SERPINA9: variants seen among roughly 807,000 people sequenced by gnomAD.
SERPINA9 encodes serpin A9.
A neutral mutation model predicts 24.5 loss-of-function variants in SERPINA9; 32 were observed. The observed-to-expected ratio is 1.30, with a 90% CI of 0.98 to 1.75. SERPINA9 has a LOEUF of 1.75. Ranked by LOEUF, SERPINA9 falls within the 40% of genes most tolerant of loss-of-function variation. The probability of loss-of-function intolerance (pLI) is 0.00; values close to 1 mark genes in which losing one functional copy is unlikely to be tolerated. For missense variants in SERPINA9, 594 were observed against 497.1 expected (o/e 1.19, Z -1.85); for synonymous variants, 233 against 197.7 (o/e 1.18, Z -1.50).
intron 2 of SERPINA9, 67 bp from the exon 3 acceptor site, chr14:94,467,449 G>T (rs1223302626): frequency 6.4e-6 from 9 of 1,408,400 alleles, no homozygotes; most frequent in Non-Finnish European, 8.7e-6. Context: ...ACAGCAAACT[G>T]AAATGGGGAA....
At chr14:94,475,216 GA>G (rs1899529461) in intron 1 of SERPINA9, among the ~76,000 whole-genome samples, 1 of 152,194 alleles carries the variant, frequency 6.6e-6, no homozygotes, top group Non-Finnish European at 1.5e-5. Context: ...GCTGCTGGAA[GA>G]GGGGTTCTGC....
At chr14:94,467,726 G>A (rs903537208) in intron 2 of SERPINA9, among the ~76,000 whole-genome samples, 2 of 152,242 alleles carry the variant, frequency 1.3e-5, no homozygotes, top group Non-Finnish European at 2.9e-5. Flanking sequence ...TGGGTGGATA[G>A]CCTGGCAGAT....
In SERPINA9 at chr14:94,467,325, A is replaced by T; in HGVS notation, c.686T>A (p.Val229Glu). Reference protein sequence around the residue: ...EYTRKNFPFLVGEQVTVHVPM... With the variant: ...EYTRKNFPFLEGEQVTVHVPM... ...GACATGCACAGTGACCTGCTCGCCC[A>T]CCAGGAATGGGAAGTTCTTTCTTGT... The change falls in exon 3 of 5, where the codon GTG becomes GAG. Residue 229 changes from valine (V) to glutamate (E), a missense_variant. Val to Glu is a moderately radical substitution (Grantham distance 121). Coordinates refer to ENST00000674397, the MANE Select transcript of SERPINA9 (RefSeq NM_175739.4). The T allele has an allele frequency of 6.2e-7, 1 of 1,614,020 alleles. No individual in the cohort carries two copies. The highest frequency in any genetic ancestry group is 1.1e-5 in the South Asian group (1 of 91,066).
chr14:94,468,984 C>T (rs1251462649), intron 2 of SERPINA9, among the ~76,000 whole-genome samples: 1 of 152,150 alleles, frequency 6.6e-6, no homozygotes, highest in African/African-American at 2.4e-5. Context: ...CACCTCAAGA[C>T]ACTTAATCTG....
At chr14:94,472,503 T>C (rs1899370396) in intron 1 of SERPINA9, among the ~76,000 whole-genome samples, 1 of 152,218 alleles carries the variant, frequency 6.6e-6, no homozygotes, top group African/African-American at 2.4e-5. Flanking sequence ...CACGCGTGCC[T>C]TTAGATAATC....
intron 4 of SERPINA9, among the ~76,000 whole-genome samples, chr14:94,464,119 G>A (rs927037672): frequency 2.0e-5 from 3 of 152,172 alleles, no homozygotes; most frequent in African/African-American, 7.2e-5. Context: ...ATACTGTCTG[G>A]TTAAAAGGGG....
intron 1 of SERPINA9, 21 bp downstream of exon 1, chr14:94,476,115 C>T: frequency 6.2e-7 from 1 of 1,614,148 alleles, no homozygotes; most frequent in Non-Finnish European, 8.5e-7. Flanking sequence ...CCCGATCTCT[C>T]TGCACCTCCT....
rs1898830600 is a variant in SERPINA9 at position 94,463,274 on chromosome 14, T to A, written c.1073A>T (p.Asp358Val). Residue 358 changes from aspartate to valine, a missense_variant, in exon 5 of 5, where the codon GAT (aspartate) becomes GTT (valine). Coordinates refer to ENST00000674397, the MANE Select transcript of SERPINA9 (RefSeq NM_175739.4). ...GGCCTCAGTGCCCTCTTCACTGACA[T>A]CCAGCACAGCCTTGTGGGTTGCCTG... ...VSKATHKAVL[D>V]VSEEGTEATA... The A allele has an allele frequency of 6.2e-7, 1 of 1,614,138 alleles. No individual in the cohort carries two copies. The highest frequency in any genetic ancestry group is 8.5e-7 in the Non-Finnish European group (1 of 1,180,022).
chr14:94,467,450 A>T, intron 2 of SERPINA9, 68 bp from the exon 3 acceptor site: 2 of 1,412,040 alleles, frequency 1.4e-6, no homozygotes, highest in Non-Finnish European at 1.9e-6. Flanking sequence ...CAGCAAACTG[A>T]AATGGGGAAT....
chr14:94,464,665 T>G (rs373096981), intron 4 of SERPINA9, 42 bp downstream of exon 4: 2 of 1,532,220 alleles, frequency 1.3e-6, no homozygotes, highest in African/African-American at 2.7e-5. Flanking sequence ...CTGCAGGTGC[T>G]TCCAGCTTGG....
intron 2 of SERPINA9, among the ~76,000 whole-genome samples, chr14:94,468,279 T>A (rs966976360): frequency 6.6e-6 from 1 of 152,078 alleles, no homozygotes; most frequent in South Asian, 2.1e-4. Context: ...GATGAATACG[T>A]TAATGGATAG....
chr14:94,471,586 C>T (rs1043760855), intron 1 of SERPINA9, among the ~76,000 whole-genome samples: 4 of 152,128 alleles, frequency 2.6e-5, no homozygotes, highest in Admixed American at 6.5e-5. Context: ...ATGTGATTGG[C>T]GATTTCTGTT....
At chr14:94,474,585 C>T (rs1171112853) in intron 1 of SERPINA9, among the ~76,000 whole-genome samples, 3 of 152,186 alleles carry the variant, frequency 2.0e-5, no homozygotes, top group African/African-American at 4.8e-5. Flanking sequence ...CCACACTCCC[C>T]ACTTTGCTTC....
intron 2 of SERPINA9, among the ~76,000 whole-genome samples, chr14:94,467,905 A>C (rs1899091844): frequency 1.4e-5 from 1 of 72,402 alleles, no homozygotes; most frequent in African/African-American, 5.7e-5. Context: ...AGGTGGATGA[A>C]TGGATGCATG....
chr14:94,472,392 G>T (rs1021086469), intron 1 of SERPINA9, among the ~76,000 whole-genome samples: 2 of 152,038 alleles, frequency 1.3e-5, no homozygotes, highest in Non-Finnish European at 2.9e-5. Context: ...GCCCTCCCTG[G>T]CTCCCCTCTC....
At chr14:94,476,012 T>A in intron 1 of SERPINA9, 124 bp downstream of exon 1, 1 of 1,459,204 alleles carries the variant, frequency 6.9e-7, no homozygotes, top group Non-Finnish European at 9.5e-7. Context: ...CTAATGTGTC[T>A]AGGTTCTCAT....
intron 1 of SERPINA9, 134 bp downstream of exon 1, chr14:94,476,002 C>CTA: frequency 7.3e-7 from 1 of 1,378,254 alleles, no homozygotes; most frequent in Non-Finnish European, 1.0e-6. Context: ...TAAAAGCCAA[C>CTA]TAATGTGTCT....
intron 1 of SERPINA9, 143 bp downstream of exon 1, chr14:94,475,993 A>C: frequency 1.5e-6 from 2 of 1,309,518 alleles, no homozygotes; most frequent in Middle Eastern, 2.2e-4. Context: ...AGATGCTACT[A>C]AAAGCCAACT....
intron 3 of SERPINA9, among the ~76,000 whole-genome samples, chr14:94,466,594 C>T (rs1178439528): frequency 6.6e-6 from 1 of 152,212 alleles, no homozygotes; most frequent in East Asian, 1.9e-4. Flanking sequence ...ACTCACCATA[C>T]TAATTACAGA....
Sources: gnomAD v4.1 joint callset for allele counts (sites outside exome capture counted in the v4.1 genomes callset) on GRCh38, gnomAD v4.1.1 for gene constraint, MANE v1.5 for transcripts, NCBI Gene and HGNC (gene_info 2026-07-23, HGNC 2026-07-21) for gene names.